The following PTPRD variants were observed in gnomAD, a reference collection of about 807,000 sequenced individuals.
PTPRD encodes the protein protein tyrosine phosphatase receptor type D.
A neutral mutation model predicts 214.5 loss-of-function variants in PTPRD; 34 were observed. The observed-to-expected ratio is 0.16, with a 90% CI of 0.12 to 0.21. The LOEUF (loss-of-function observed/expected upper bound fraction) is 0.21. Among genes scored for constraint, PTPRD ranks in the 10% least tolerant of loss-of-function variants. The pLI, the probability that PTPRD is intolerant of heterozygous loss-of-function variation, is 1.00. For synonymous variants in PTPRD, 1,128 were observed against 845.7 expected (o/e 1.33, Z -5.79); for missense variants, 2,545 against 2,398.7 (o/e 1.06, Z -1.27).
intron 44 of PTPRD, 124 bp downstream of exon 44, chr9:8,331,458 T>TTAAG: frequency 3.6e-6 from 4 of 1,103,916 alleles, no homozygotes; most frequent in East Asian, 2.6e-5. Flanking sequence ...CAATCCTGCT[T>TTAAG]TAAGTTTTGT....
At chr9:9,389,062 C>T (rs1445367742) in intron 9 of PTPRD, among the ~76,000 whole-genome samples, 1 of 152,102 alleles carries the variant, frequency 6.6e-6, no homozygotes, top group East Asian at 1.9e-4. Flanking sequence ...TTCTGTGCCT[C>T]ATTTTTCTCA....
intron 2 of PTPRD, among the ~76,000 whole-genome samples, chr9:10,465,698 T>C (rs569551050): frequency 1.1e-4 from 16 of 152,330 alleles, no homozygotes; most frequent in African/African-American, 3.6e-4. Context: ...AGCAACATGC[T>C]GTACAGGCTT....
At chr9:8,396,153 T>C (rs1294678830) in intron 36 of PTPRD, among the ~76,000 whole-genome samples, 1 of 152,042 alleles carries the variant, frequency 6.6e-6, no homozygotes, top group Non-Finnish European at 1.5e-5. Flanking sequence ...AATATGAATA[T>C]CATAATCAAA....
At chr9:9,916,971 G>T (rs140740977) in intron 5 of PTPRD, among the ~76,000 whole-genome samples, 2 of 151,422 alleles carry the variant, frequency 1.3e-5, no homozygotes, top group Non-Finnish European at 3.0e-5. Context: ...AATGGGTGTA[G>T]GAAAAAGTTA....
intron 35 of PTPRD, among the ~76,000 whole-genome samples, chr9:8,412,924 C>T (rs898155252): frequency 9.9e-5 from 15 of 152,090 alleles, no homozygotes; most frequent in Non-Finnish European, 2.1e-4. Context: ...TCAGAAAACT[C>T]AGTACATAAG....
rs768798917 is a variant in PTPRD, at chr9:9,311,307, T to A, written c.-203+86142A>T. ...TGTCAAACACAAAATCATTATATTA[T>A]GTTGTCATATAATAAAAGATGTATT... On this transcript the variant is annotated intron_variant, in intron 9 of 45. Transcript: ENST00000381196. Among the ~76,000 whole-genome samples, 413 of 152,246 alleles carry A rather than the reference T, an allele frequency of 2.7e-3. 1 individual carries two copies. Among genetic ancestry groups the A allele is most frequent in the Non-Finnish European group, 2.3e-3 (158 of 68,020 alleles).
chr9:10,579,241 T>G (rs2070773851), intron 2 of PTPRD, among the ~76,000 whole-genome samples: 1 of 152,132 alleles, frequency 6.6e-6, no homozygotes, highest in Non-Finnish European at 1.5e-5. Context: ...AAACATCACA[T>G]GTTCTCATCC....
chr9:9,565,776 C>G (rs1358163289), intron 8 of PTPRD, among the ~76,000 whole-genome samples: 4 of 151,686 alleles, frequency 2.6e-5, no homozygotes, highest in Admixed American at 2.0e-4. Context: ...AAAAAGGAAA[C>G]AGAACATTAA....
At chr9:9,613,429 A>C (rs1372536606) in intron 7 of PTPRD, among the ~76,000 whole-genome samples, 2 of 152,012 alleles carry the variant, frequency 1.3e-5, no homozygotes, top group African/African-American at 4.8e-5. Flanking sequence ...TGTGATAGAT[A>C]GATAAGCATT....
At chr9:10,380,566 C>T (rs920888094) in intron 2 of PTPRD, among the ~76,000 whole-genome samples, 1 of 151,958 alleles carries the variant, frequency 6.6e-6, no homozygotes, top group African/African-American at 2.4e-5. Flanking sequence ...ACAAAAAGTG[C>T]CATCATGTGT....
intron 9 of PTPRD, among the ~76,000 whole-genome samples, chr9:9,246,042 T>A (rs1381519204): frequency 6.6e-6 from 1 of 152,094 alleles, no homozygotes; most frequent in African/African-American, 2.4e-5. Context: ...ATCATGCCAA[T>A]TTTAATGAGA....
intron 6 of PTPRD, among the ~76,000 whole-genome samples, chr9:9,749,362 A>T (rs143750133): frequency 6.6e-6 from 1 of 152,084 alleles, no homozygotes; most frequent in Non-Finnish European, 1.5e-5. Context: ...ACGTTTTCCA[A>T]TCATCTCTAT....
At chr9:9,905,156 T>A (rs1049287194) in intron 5 of PTPRD, among the ~76,000 whole-genome samples, 1 of 151,844 alleles carries the variant, frequency 6.6e-6, no homozygotes, top group African/African-American at 2.4e-5. Context: ...GAACACGACA[T>A]TTTTTTTCAA....
chr9:10,314,418 G>T (rs1258724536), intron 3 of PTPRD, among the ~76,000 whole-genome samples: 2 of 151,894 alleles, frequency 1.3e-5, no homozygotes, highest in African/African-American at 4.8e-5. Context: ...TTGATGAAAA[G>T]AAATATAGCA....
chr9:9,139,104 C>A (rs142670304), intron 10 of PTPRD, among the ~76,000 whole-genome samples: 21 of 151,702 alleles, frequency 1.4e-4, no homozygotes, highest in Admixed American at 1.2e-3. Context: ...CCCCCTCCCC[C>A]CCGCCCCCAC....
intron 9 of PTPRD, among the ~76,000 whole-genome samples, chr9:9,209,377 A>G (rs1162826343): frequency 1.3e-5 from 2 of 152,196 alleles, no homozygotes; most frequent in Admixed American, 6.5e-5. Flanking sequence ...GGAAATATCA[A>G]TCAGCCTCAC....
At chr9:9,635,545 G>A (rs965455843) in intron 7 of PTPRD, among the ~76,000 whole-genome samples, 3 of 152,166 alleles carry the variant, frequency 2.0e-5, no homozygotes, top group African/African-American at 7.2e-5. Flanking sequence ...TGCTTTTACA[G>A]CTGAAGAAAG....
intron 11 of PTPRD, among the ~76,000 whole-genome samples, chr9:8,883,998 T>A (rs1213610873): frequency 1.3e-5 from 2 of 152,238 alleles, no homozygotes; most frequent in Non-Finnish European, 2.9e-5. Flanking sequence ...TGAATTTTCA[T>A]GGGCAAGCTT....
chr9:9,015,881 C>A (rs1177415053), intron 11 of PTPRD, among the ~76,000 whole-genome samples: 1 of 152,070 alleles, frequency 6.6e-6, no homozygotes, highest in Non-Finnish European at 1.5e-5. Context: ...AACAGAAAAT[C>A]AGGGGCACAA....
Sources: allele counts gnomAD v4.1 joint callset (sites outside exome capture counted in the v4.1 genomes callset), GRCh38; gene constraint gnomAD v4.1.1; transcripts MANE v1.5; gene names NCBI Gene and HGNC (gene_info 2026-07-23, HGNC 2026-07-21).